The following GREM2 variants were observed in gnomAD, a reference collection of about 807,000 sequenced individuals.
GREM2 encodes gremlin 2, DAN family BMP antagonist.
Under a neutral mutation model 14.2 loss-of-function variants are expected in GREM2, and 11 were observed. The observed-to-expected ratio is 0.78, with a 90% CI of 0.49 to 1.28. The LOEUF is 1.28. Ranked by LOEUF, GREM2 falls within the 50% of genes most tolerant of loss-of-function variation. The pLI, the probability that GREM2 is intolerant of heterozygous loss-of-function variation, is 0.00. For synonymous variants in GREM2, 98 were observed against 97.6 expected (o/e 1.00, Z -0.02); for missense variants, 210 against 218.5 (o/e 0.96, Z 0.24).
At chr1:240,534,456 G>A (rs975489161) in intron 1 of GREM2, among the ~76,000 whole-genome samples, 4 of 152,124 alleles carry the variant, frequency 2.6e-5, no homozygotes, top group Admixed American at 2.6e-4. Flanking sequence ...TTGGGAGGCT[G>A]AGGCGGGCAG....
At chr1:240,566,202 A>T (rs532718737) in intron 1 of GREM2, among the ~76,000 whole-genome samples, 1 of 152,326 alleles carries the variant, frequency 6.6e-6, no homozygotes, top group East Asian at 1.9e-4. Context: ...TACAAATTAA[A>T]TTGAGGACTT....
intron 1 of GREM2, among the ~76,000 whole-genome samples, chr1:240,597,070 C>T (rs987142545): frequency 1.3e-5 from 2 of 152,180 alleles, no homozygotes; most frequent in Non-Finnish European, 2.9e-5. Context: ...TCTACTGTGG[C>T]GCATTCCCTT....
intron 1 of GREM2, among the ~76,000 whole-genome samples, chr1:240,525,647 T>A (rs1183516967): frequency 6.6e-6 from 1 of 151,938 alleles, no homozygotes; most frequent in Non-Finnish European, 1.5e-5. Flanking sequence ...CCTGGCTAAT[T>A]TTTGTATTTT....
At chr1:240,504,995 C>G (rs555813005) in intron 1 of GREM2, among the ~76,000 whole-genome samples, 1 of 152,084 alleles carries the variant, frequency 6.6e-6, no homozygotes, top group Non-Finnish European at 1.5e-5. Context: ...GGAGGTGGGG[C>G]CTGGTGGAAG....
intron 1 of GREM2, among the ~76,000 whole-genome samples, chr1:240,580,836 G>T (rs1679469463): frequency 6.6e-6 from 1 of 152,158 alleles, no homozygotes; most frequent in Admixed American, 6.5e-5. Context: ...GACTCCCCAG[G>T]TGCTGGGATT....
intron 1 of GREM2, among the ~76,000 whole-genome samples, chr1:240,582,215 A>C (rs1280115195): frequency 6.6e-6 from 1 of 152,206 alleles, no homozygotes; most frequent in Non-Finnish European, 1.5e-5. Flanking sequence ...AGGCGGGTGG[A>C]TCACAAGGTC....
intron 1 of GREM2, among the ~76,000 whole-genome samples, chr1:240,606,871 T>G (rs1680036251): frequency 2.6e-5 from 4 of 151,886 alleles, no homozygotes; most frequent in Admixed American, 2.6e-4. Context: ...AGAGACGGGA[T>G]TTCACCATGT....
intron 1 of GREM2, among the ~76,000 whole-genome samples, chr1:240,535,673 C>T (rs1572387588): frequency 6.6e-6 from 1 of 151,926 alleles, no homozygotes; most frequent in African/African-American, 2.4e-5. Context: ...ACGGTGCATG[C>T]CTGTAATCCC....
intron 1 of GREM2, among the ~76,000 whole-genome samples, chr1:240,538,426 G>T (rs934532446): frequency 6.6e-6 from 1 of 152,132 alleles, no homozygotes; most frequent in African/African-American, 2.4e-5. Context: ...TAGAGGCCAG[G>T]TGCGATGGCT....
chr1:240,524,737 GTTTA>G (rs1216393772), intron 1 of GREM2, among the ~76,000 whole-genome samples: 2 of 152,168 alleles, frequency 1.3e-5, no homozygotes, highest in Admixed American at 1.3e-4. Flanking sequence ...AATGAAATGT[GTTTA>G]TTTTTTGATG....
intron 1 of GREM2, among the ~76,000 whole-genome samples, chr1:240,565,846 C>CAAA (rs57078582): frequency 4.2e-5 from 4 of 94,162 alleles, no homozygotes; most frequent in African/African-American, 1.4e-4. Context: ...ACTCTGTCTC[C>CAAA]AAAAAAAAAA....
intron 1 of GREM2, among the ~76,000 whole-genome samples, chr1:240,496,342 A>G (rs540976913): frequency 1.7e-4 from 26 of 150,594 alleles, no homozygotes; most frequent in African/African-American, 6.0e-4. Flanking sequence ...CTCCAGCCAT[A>G]CTGGAAATAG....
At chr1:240,510,227 G>A (rs1303934950) in intron 1 of GREM2, among the ~76,000 whole-genome samples, 3 of 151,790 alleles carry the variant, frequency 2.0e-5, no homozygotes, top group Non-Finnish European at 2.9e-5. Context: ...GAAATGAGCC[G>A]GGCGTGGTGG....
At chr1:240,595,104 G>A (rs1426522586) in intron 1 of GREM2, among the ~76,000 whole-genome samples, 1 of 152,172 alleles carries the variant, frequency 6.6e-6, no homozygotes. Context: ...AGTGAAGTAT[G>A]GCCGGGCGTG....
rs1181561392 is a variant in GREM2 at position 240,579,383 on chromosome 1, G to C, written c.-2+32501C>G. On this transcript the variant is annotated intron_variant, in intron 1 of 1. Transcript: ENST00000318160. ...ATCTGGAGTCAGGAGACCCACAGTG[G>C]CATTACGCAAAACACCTCCTCAGTC... 8.5e-5 allele frequency among the ~76,000 whole-genome samples: 13 copies of C among 152,116 alleles called. 1 individual carries two copies. Among genetic ancestry groups the C allele is most frequent in the Middle Eastern group, 3.2e-3 (1 of 316 alleles).
At chr1:240,545,049 T>A (rs953862772) in intron 1 of GREM2, among the ~76,000 whole-genome samples, 1 of 152,180 alleles carries the variant, frequency 6.6e-6, no homozygotes, top group Non-Finnish European at 1.5e-5. Context: ...ATGATAAGGA[T>A]CTTTTTGTCT....
chr1:240,519,622 C>T (rs186811474), intron 1 of GREM2, among the ~76,000 whole-genome samples: 99 of 152,270 alleles, frequency 6.5e-4, no homozygotes, highest in Middle Eastern at 3.4e-3. Flanking sequence ...CTTCCTCCAT[C>T]CTTTTATTTC....
At chr1:240,601,586 A>G (rs1039026445) in intron 1 of GREM2, among the ~76,000 whole-genome samples, 1 of 152,190 alleles carries the variant, frequency 6.6e-6, no homozygotes, top group African/African-American at 2.4e-5. Context: ...ATTTACCTCA[A>G]AAAGATGTTA....
intron 1 of GREM2, among the ~76,000 whole-genome samples, chr1:240,500,256 C>T (rs1677538520): frequency 6.6e-6 from 1 of 152,102 alleles, no homozygotes; most frequent in East Asian, 1.9e-4. Context: ...GATGCTTTTG[C>T]TGCTCATGTT....
Sources: allele counts gnomAD v4.1 joint callset (sites outside exome capture counted in the v4.1 genomes callset), GRCh38; gene constraint gnomAD v4.1.1; transcripts MANE v1.5; gene names NCBI Gene and HGNC (gene_info 2026-07-23, HGNC 2026-07-21).